Variants in LRRC4C observed in about 807,000 individuals in gnomAD.
The protein encoded by LRRC4C is leucine-rich repeat-containing protein 4C.
Under a neutral mutation model 33.6 loss-of-function variants are expected in LRRC4C, and 5 were observed. That is an observed-to-expected ratio of 0.15 (90% CI 0.08 to 0.31). The LOEUF (loss-of-function observed/expected upper bound fraction) is 0.31. LRRC4C is among the 10% of genes least tolerant of loss of function. The pLI, the probability that LRRC4C is intolerant of heterozygous loss-of-function variation, is 1.00. For synonymous variants in LRRC4C, 329 were observed against 302.0 expected (o/e 1.09, Z -0.93); for missense variants, 560 against 796.7 (o/e 0.70, Z 3.58).
At chr11:40,928,813 T>G (rs971121195) in intron 2 of LRRC4C, among the ~76,000 whole-genome samples, 3 of 152,148 alleles carry the variant, frequency 2.0e-5, no homozygotes, top group Admixed American at 6.5e-5. Context: ...GTAAGTTAAC[T>G]AAAATAATAA....
At chr11:41,112,770 A>T (rs1020508540) in intron 1 of LRRC4C, among the ~76,000 whole-genome samples, 29 of 152,228 alleles carry the variant, frequency 1.9e-4, no homozygotes, top group Admixed American at 1.4e-3. Flanking sequence ...TTCAAATCTG[A>T]GTAAAAAGAG....
chr11:40,777,693 T>A (rs1468394573), intron 2 of LRRC4C, among the ~76,000 whole-genome samples: 1 of 151,596 alleles, frequency 6.6e-6, no homozygotes, highest in Non-Finnish European at 1.5e-5. Context: ...TTTATTTTTT[T>A]TATTTTTTTT....
intron 5 of LRRC4C, among the ~76,000 whole-genome samples, chr11:40,192,366 T>A (rs916103073): frequency 6.6e-6 from 1 of 151,742 alleles, no homozygotes; most frequent in African/African-American, 2.4e-5. Flanking sequence ...GCACAAAGGG[T>A]TGGGGAACTC....
chr11:40,279,175 TTC>T (rs1237664352), intron 4 of LRRC4C, among the ~76,000 whole-genome samples: 14 of 152,158 alleles, frequency 9.2e-5, no homozygotes, highest in Non-Finnish European at 8.8e-5. Context: ...TGTCAGCAAA[TTC>T]TCTTTTTTGC....
intron 2 of LRRC4C, among the ~76,000 whole-genome samples, chr11:40,767,404 T>A (rs1949526531): frequency 6.6e-6 from 1 of 152,070 alleles, no homozygotes; most frequent in African/African-American, 2.4e-5. Flanking sequence ...CTTTCAGCAT[T>A]TGACAGATCA....
chr11:41,402,580 G>A (rs1261150978), intron 1 of LRRC4C, among the ~76,000 whole-genome samples: 1 of 151,992 alleles, frequency 6.6e-6, no homozygotes, highest in Non-Finnish European at 1.5e-5. Flanking sequence ...ATTTTATTAT[G>A]TAAAAAATAT....
intron 3 of LRRC4C, among the ~76,000 whole-genome samples, chr11:40,452,363 G>T (rs916892009): frequency 6.6e-6 from 1 of 152,130 alleles, no homozygotes; most frequent in African/African-American, 2.4e-5. Context: ...ATCAAAAAGT[G>T]GGTGAAGGAT....
At chr11:40,678,232 T>G (rs1944506113) in intron 2 of LRRC4C, among the ~76,000 whole-genome samples, 1 of 152,066 alleles carries the variant, frequency 6.6e-6, no homozygotes, top group African/African-American at 2.4e-5. Flanking sequence ...TACAAATGAA[T>G]TCATCACCCA....
intron 3 of LRRC4C, among the ~76,000 whole-genome samples, chr11:40,636,898 C>T (rs1257397843): frequency 1.3e-5 from 2 of 152,110 alleles, no homozygotes; most frequent in Non-Finnish European, 1.5e-5. Flanking sequence ...CAGTGAGCAC[C>T]CTGAGAATGC....
At position 41,453,132 on chromosome 11, in the gene LRRC4C, C is replaced by T. The variant is rs553802251; in HGVS notation, c.-496+6299G>A. ...GGACATGCTACCCATAAAGTAAATT[C>T]TGCAAATGCTCCTTAATGTCACTTA... On this transcript the variant is annotated intron_variant, in intron 1 of 6. Transcript: ENST00000528697. 2.6e-5 allele frequency among the ~76,000 whole-genome samples: 4 copies of T among 152,232 alleles called. No individual in the cohort carries two copies. In the East Asian group the frequency reaches 7.7e-4, roughly 29 times the overall value.
In LRRC4C at chr11:40,148,339, A is replaced by G. The variant is rs57600810; in HGVS notation, c.-95-7486T>C. On this transcript the variant is annotated intron_variant, in intron 5 of 6. Transcript: ENST00000528697. ...TTCCTTATTCTCCACAACCTCACTG[A>G]CATCTGTCATTTTTTGACTTTTTAT... Among the ~76,000 whole-genome samples the G allele has an allele frequency of 3.5e-3, 533 of 152,230 alleles. 6 individuals are homozygous for G. Among genetic ancestry groups the G allele is most frequent in the African/African-American group, 0.012 (508 of 41,572 alleles).
intron 1 of LRRC4C, among the ~76,000 whole-genome samples, chr11:41,087,489 G>C (rs149569566): frequency 6.6e-6 from 1 of 151,956 alleles, no homozygotes; most frequent in Non-Finnish European, 1.5e-5. Flanking sequence ...CAATTAATTT[G>C]GTATATGTTA....
chr11:40,852,416 A>C, intron 2 of LRRC4C, among the ~76,000 whole-genome samples: 1 of 152,092 alleles, frequency 6.6e-6, no homozygotes, highest in East Asian at 1.9e-4. Context: ...ATAATTTTTC[A>C]AAAATAAAAT....
intron 4 of LRRC4C, among the ~76,000 whole-genome samples, chr11:40,269,152 C>A (rs1002919057): frequency 6.6e-6 from 1 of 152,150 alleles, no homozygotes; most frequent in Non-Finnish European, 1.5e-5. Flanking sequence ...CCCAGCTGTA[C>A]TCCTCATGCT....
intron 1 of LRRC4C, among the ~76,000 whole-genome samples, chr11:41,457,135 G>A (rs1259502454): frequency 6.6e-6 from 1 of 152,154 alleles, no homozygotes; most frequent in Admixed American, 6.5e-5. Context: ...GTAGTATTGA[G>A]AATAATCTAT....
At chr11:40,326,921 A>C (rs1946131500) in intron 3 of LRRC4C, among the ~76,000 whole-genome samples, 1 of 152,234 alleles carries the variant, frequency 6.6e-6, no homozygotes, top group Admixed American at 6.5e-5. Context: ...GAAGTCTAGG[A>C]AAGAGTGATA....
intron 3 of LRRC4C, among the ~76,000 whole-genome samples, chr11:40,525,658 T>C (rs1956015661): frequency 1.3e-5 from 2 of 150,678 alleles, no homozygotes; most frequent in Non-Finnish European, 3.0e-5. Context: ...TTCAGTATGC[T>C]AGGAAATAAT....
intron 5 of LRRC4C, among the ~76,000 whole-genome samples, chr11:40,187,661 G>C (rs1861513642): frequency 6.6e-6 from 1 of 152,128 alleles, no homozygotes; most frequent in Non-Finnish European, 1.5e-5. Context: ...TGGCAAGTTA[G>C]ATGTTCTGAT....
intron 1 of LRRC4C, among the ~76,000 whole-genome samples, chr11:41,254,202 G>C (rs1282339113): frequency 6.6e-6 from 1 of 151,970 alleles, no homozygotes; most frequent in Non-Finnish European, 1.5e-5. Context: ...AAAGGCATGG[G>C]AGGCATTTTA....
Sources: allele counts gnomAD v4.1 joint callset (sites outside exome capture counted in the v4.1 genomes callset), GRCh38; gene constraint gnomAD v4.1.1; transcripts MANE v1.5; gene names NCBI Gene and HGNC (gene_info 2026-07-23, HGNC 2026-07-21).